The following SETD9 variants were observed in gnomAD, a reference collection of about 807,000 sequenced individuals.
SETD9 encodes the protein SET domain containing 9.
In SETD9, 37 loss-of-function variants were observed where a neutral mutation model predicts 36.4. The observed-to-expected ratio is 1.02, with a 90% CI of 0.78 to 1.34. The LOEUF (loss-of-function observed/expected upper bound fraction) is 1.34, where lower values mean the gene tolerates loss of function less well. Among genes scored for constraint, SETD9 ranks in the 40% most tolerant of loss-of-function variants. The pLI is 0.00. For missense variants in SETD9, 323 were observed against 353.2 expected, an observed-to-expected ratio of 0.91 and a Z score of 0.69; for synonymous variants, 128 against 132.9, an observed-to-expected ratio of 0.96 and a Z score of 0.26.
chr5:56,911,872 G>A (rs1003673642), intron 2 of SETD9, among the ~76,000 whole-genome samples: 5 of 152,130 alleles, frequency 3.3e-5, no homozygotes, highest in Admixed American at 6.5e-5. Flanking sequence ...TGATAGCTAA[G>A]GATAAAAATG....
chr5:56,919,972 CT>C (rs1749590748), downstream of SETD9: 3 of 152,484 alleles, frequency 2.0e-5, no homozygotes, highest in Admixed American at 6.5e-5. Context: ...AGACAATGTG[CT>C]TTGAAACTCT....
In SETD9 at chr5:56,911,176, C is replaced by T. The variant is rs746939923; in HGVS notation, c.106C>T (p.Arg36Ter). 9.1e-6 allele frequency: 14 copies of T among 1,538,922 alleles called. 1 individual carries two copies. In the South Asian group the frequency reaches 1.0e-4, roughly 11 times the overall value. The change falls in exon 2 of 6, where the codon CGA becomes TGA. Residue 36 changes from arginine to a stop codon, truncating the protein, a stop_gained. Coordinates refer to ENST00000285947, the MANE Select transcript of SETD9 (RefSeq NM_153706.4). LOFTEE classifies it high-confidence loss of function. ...AACTTTTCCCATTTTCAGGACCCTCCGATATGTTCCAGAGGAATCCAAAGA... is the reference window on the plus strand; with the variant it reads ...AACTTTTCCCATTTTCAGGACCCTCTGATATGTTCCAGAGGAATCCAAAGA... ...LNLSHNPRTL[R>*]YVPEESKDKV...
intron 1 of SETD9, chr5:56,910,618 A>G: frequency 3.4e-6 from 1 of 294,204 alleles, no homozygotes; most frequent in Non-Finnish European, 6.7e-6. Flanking sequence ...TAATGCAGTT[A>G]GTACAAAAAG....
intron 4 of SETD9, among the ~76,000 whole-genome samples, chr5:56,914,318 G>C (rs1749313151): frequency 6.6e-6 from 1 of 152,008 alleles, no homozygotes; most frequent in South Asian, 2.1e-4. Context: ...TAGATTAATG[G>C]CTAGACTAGT....
downstream of SETD9, chr5:56,922,223 T>A (rs1749704653): frequency 1.3e-5 from 2 of 152,648 alleles, no homozygotes; most frequent in African/African-American, 2.4e-5. Context: ...TTGTAGACTG[T>A]GCCTCTGCAA....
At chr5:56,916,744 T>C (rs1289967867) in intron 5 of SETD9, 71 bp from the exon 6 acceptor site, 2 of 1,514,854 alleles carry the variant, frequency 1.3e-6, no homozygotes, top group African/African-American at 1.4e-5. Context: ...ATAAAAGCCA[T>C]CTTGGTTATA....
intron 3 of SETD9, among the ~76,000 whole-genome samples, chr5:56,913,497 C>T (rs1360395962): frequency 6.6e-6 from 1 of 151,820 alleles, no homozygotes; most frequent in East Asian, 1.9e-4. Flanking sequence ...GATTTTCCTG[C>T]CTCAGCCTCC....
At chr5:56,919,126 CTTTTTTT>C (rs34426416), downstream of SETD9, among the ~76,000 whole-genome samples, 7 of 132,566 alleles carry the variant, frequency 5.3e-5, no homozygotes, top group African/African-American at 2.0e-4. Flanking sequence ...TTTGGGACTT[CTTTTTTT>C]TTTTTTTTTT....
In SETD9 at chr5:56,911,521, G is replaced by T. The variant is rs750339308; in HGVS notation, c.451G>T (p.Val151Leu). ...AGGATTGGTACCAAAAGGCGCAGTCGTATCTATGTATCCTGGTAACAGCAC... is the reference window on the plus strand; with the variant it reads ...AGGATTGGTACCAAAAGGCGCAGTCTTATCTATGTATCCTGGTAACAGCAC... ...TKGLVPKGAV[V>L]SMYPGTVYQK... is the part of the protein sequence containing the mutation. The change falls in exon 2 of 6, where the codon GTA (valine) becomes TTA (leucine). Residue 151 changes from valine (V) to leucine (L), a missense_variant. Transcript: ENST00000285947. 3 of 1,566,026 alleles carry T rather than the reference G, an allele frequency of 1.9e-6. No individual in the cohort carries two copies. The highest frequency in any genetic ancestry group is 3.9e-5 in the Admixed American group (2 of 50,876).
At chr5:56,914,779 A>C in intron 4 of SETD9, 82 bp from the exon 5 acceptor site, 1 of 877,312 alleles carries the variant, frequency 1.1e-6, no homozygotes, top group East Asian at 2.8e-5. Context: ...AGAAAAACAG[A>C]CATTGAGTGT....
downstream of SETD9, among the ~76,000 whole-genome samples, chr5:56,927,444 G>C (rs572889344): frequency 6.6e-5 from 10 of 152,140 alleles, no homozygotes; most frequent in Non-Finnish European, 1.5e-4. Context: ...ATAAAATACT[G>C]AGCTACCCAC....
chr5:56,911,147 T>TAGA, intron 1 of SETD9, 22 bp from the exon 2 acceptor site: 1 of 1,521,562 alleles, frequency 6.6e-7, no homozygotes, highest in South Asian at 1.4e-5. Flanking sequence ...GGGTAGTGAA[T>TAGA]AGAAACTTTT....
At chr5:56,910,488 C>G in intron 1 of SETD9, 1 of 1,071,340 alleles carries the variant, frequency 9.3e-7, no homozygotes, top group Non-Finnish European at 1.2e-6. Flanking sequence ...AAGTCAGTGT[C>G]CGACAAATAG....
At position 56,913,082 on chromosome 5, in the gene SETD9, G is replaced by A. The variant is rs1749232525; in HGVS notation, c.538G>A (p.Asp180Asn). The change falls in exon 3 of 6, where the codon GAT becomes AAT. Residue 180 changes from aspartate (D) to asparagine (N), a missense_variant. Coordinates refer to ENST00000285947, the MANE Select transcript of SETD9 (RefSeq NM_153706.4). ...IGNPFIFRCLDGVLIDGNDKG... is the reference protein window; with the variant it reads ...IGNPFIFRCLNGVLIDGNDKG... ...AAATCCGTTTATTTTTAGATGCCTG[G>A]ATGGGGTACTCATTGATGGGAATGA... The A allele has an allele frequency of 6.2e-7, 1 of 1,613,960 alleles. No homozygotes were observed. Among genetic ancestry groups the A allele is most frequent in the East Asian group, 2.2e-5 (1 of 44,874 alleles).
chr5:56,919,181 A>C (rs1749550065), downstream of SETD9, among the ~76,000 whole-genome samples: 1 of 144,294 alleles, frequency 6.9e-6, no homozygotes, highest in South Asian at 2.2e-4. Flanking sequence ...GCTGGAGTGC[A>C]ATGGCAGGAT....
intron 5 of SETD9, among the ~76,000 whole-genome samples, chr5:56,924,196 CTT>C (rs2112070311): frequency 6.6e-6 from 1 of 152,008 alleles, no homozygotes; most frequent in African/African-American, 2.4e-5. Context: ...GTTCTGAACA[CTT>C]TGATTAGTGG....
At chr5:56,916,761 ATATGAGCT>A in intron 5 of SETD9, 46 bp from the exon 6 acceptor site, 1 of 1,568,388 alleles carries the variant, frequency 6.4e-7, no homozygotes, top group Middle Eastern at 1.7e-4. Context: ...TATATTAAAA[ATATGAGCT>A]TATATTTGTT....
chr5:56,928,844 T>C, downstream of SETD9: 1 of 1,612,946 alleles, frequency 6.2e-7, no homozygotes, highest in East Asian at 2.2e-5. Context: ...TCTTCTTCCG[T>C]CCATGCAGTC....
intron 4 of SETD9, 38 bp downstream of exon 4, chr5:56,914,027 C>G: frequency 7.0e-7 from 1 of 1,423,692 alleles, no homozygotes. Context: ...TGAGATATAT[C>G]AATGGCTAAT....
Sources: gnomAD v4.1 joint callset for allele counts (sites outside exome capture counted in the v4.1 genomes callset) on GRCh38, gnomAD v4.1.1 for gene constraint, MANE v1.5 for transcripts, NCBI Gene and HGNC (gene_info 2026-07-23, HGNC 2026-07-21) for gene names.